Variants in ANKRD13A observed in about 807,000 individuals in gnomAD.
ANKRD13A encodes the protein ankyrin repeat domain 13A.
In ANKRD13A, 48 loss-of-function variants were observed where a neutral mutation model predicts 81.3. The observed-to-expected ratio is 0.59, with a 90% CI of 0.47 to 0.75. ANKRD13A has a LOEUF of 0.75. ANKRD13A is among the 30% of genes least tolerant of loss of function. The pLI, the probability that ANKRD13A is intolerant of heterozygous loss-of-function variation, is 0.00. For synonymous variants in ANKRD13A, 230 were observed against 270.1 expected (o/e 0.85, Z 1.45); for missense variants, 612 against 734.0 (o/e 0.83, Z 1.92).
In ANKRD13A at chr12:110,030,665, T is replaced by G; in HGVS notation, c.1255T>G (p.Leu419Val). The change falls in exon 12 of 15, where the codon TTA becomes GTA. Residue 419 changes from leucine (L) to valine (V), a missense_variant. By Grantham distance (32) the Leu-to-Val change is conservative (BLOSUM62 1). Coordinates refer to ENST00000261739, the MANE Select transcript of ANKRD13A (RefSeq NM_033121.2). ...GTTAGAAATTCCCTTGTTTCATGTC[T>G]TAAATGCACGGATTACATTTGGAAA... is the stretch of plus-strand genomic sequence containing the variant. Reference protein sequence around the residue: ...VKIEIPLFHVLNARITFGNVN... With the variant: ...VKIEIPLFHVVNARITFGNVN... The G allele has an allele frequency of 6.2e-7, 1 of 1,602,994 alleles. No individual in the cohort carries two copies. Among genetic ancestry groups the G allele is most frequent in the Non-Finnish European group, 8.5e-7 (1 of 1,175,130 alleles).
chr12:110,021,220 TGTC>T (rs1891060445), intron 6 of ANKRD13A: 9 of 446,950 alleles, frequency 2.0e-5, no homozygotes, highest in Admixed American at 7.3e-5. Flanking sequence ...AATGTGTGCT[TGTC>T]GTGCATTGAG....
intron 6 of ANKRD13A, among the ~76,000 whole-genome samples, chr12:110,020,051 T>C (rs950500198): frequency 6.6e-6 from 1 of 152,134 alleles, no homozygotes; most frequent in African/African-American, 2.4e-5. Context: ...CTGATAGTAT[T>C]TGCCTAGGAT....
chr12:110,023,879 A>C, intron 6 of ANKRD13A, 167 bp from the exon 7 acceptor site: 1 of 650,300 alleles, frequency 1.5e-6, no homozygotes, highest in Non-Finnish European at 2.7e-6. Flanking sequence ...TGGAGGGTGC[A>C]TAAGCCATCT....
In ANKRD13A at chr12:110,021,272, G is replaced by T. The variant is rs752769050; in HGVS notation, c.734+1944G>T. 2.1e-4 allele frequency: 77 copies of T among 364,728 alleles called. 2 individuals carry two copies. The highest frequency in any genetic ancestry group is 1.2e-3 in the Middle Eastern group (3 of 2,606). The allele number at this position is 364,728 out of a possible 1,614,324, so 22.6% of individuals were successfully genotyped here. A position where few individuals can be genotyped will look rare whatever the true frequency, so the allele number is the denominator to read the frequency against. ...ACTCCTTAGGATTGATACCAGCTAC[G>T]AAAAGAATATAGCTGCTCTTGAATG... On this transcript the variant is annotated intron_variant, in intron 6 of 14. Transcript: ENST00000261739.
At chr12:110,037,070 A>C (rs1892102942) in intron 14 of ANKRD13A, among the ~76,000 whole-genome samples, 1 of 152,210 alleles carries the variant, frequency 6.6e-6, no homozygotes, top group Admixed American at 6.5e-5. Flanking sequence ...ACTTATACTT[A>C]AGGTGTCTAT....
intron 11 of ANKRD13A, 62 bp from the exon 12 acceptor site, chr12:110,030,583 G>T: frequency 1.0e-6 from 1 of 989,132 alleles, no homozygotes; most frequent in Non-Finnish European, 1.5e-6. Context: ...CTTAGTAAAT[G>T]ATAACTATTA....
chr12:110,017,154 A>G (rs1890842289), intron 4 of ANKRD13A, among the ~76,000 whole-genome samples: 5 of 151,416 alleles, frequency 3.3e-5, no homozygotes, highest in Admixed American at 2.6e-4. Context: ...AGCTGATCCA[A>G]CTGCCCCAGC....
intron 9 of ANKRD13A, chr12:110,028,009 T>C (rs1170433142): frequency 2.0e-6 from 1 of 509,606 alleles, no homozygotes; most frequent in Non-Finnish European, 3.5e-6. Flanking sequence ...TTATCCATTA[T>C]AAACGAGGGG....
intron 3 of ANKRD13A, among the ~76,000 whole-genome samples, chr12:110,014,111 T>G (rs1890664328): frequency 6.6e-6 from 1 of 152,104 alleles, no homozygotes; most frequent in Non-Finnish European, 1.5e-5. Flanking sequence ...AGGAACAACT[T>G]TATTATAAAT....
chr12:110,023,845 T>G, intron 6 of ANKRD13A: 1 of 498,804 alleles, frequency 2.0e-6, no homozygotes, highest in South Asian at 3.4e-5. Context: ...TGAGGCAAAT[T>G]GATTAATAAC....
At chr12:110,011,925 A>G in intron 1 of ANKRD13A, 80 bp from the exon 2 acceptor site, 1 of 1,372,888 alleles carries the variant, frequency 7.3e-7, no homozygotes. Flanking sequence ...TATTTTTTGT[A>G]CTTGAAATAT....
At chr12:110,005,713 G>A (rs1028888737) in intron 1 of ANKRD13A, among the ~76,000 whole-genome samples, 1 of 152,088 alleles carries the variant, frequency 6.6e-6, no homozygotes, top group Non-Finnish European at 1.5e-5. Context: ...TGTTTTGTTT[G>A]TTAGACGAAA....
chr12:110,031,950 C>CT (rs1891720093), intron 12 of ANKRD13A, among the ~76,000 whole-genome samples: 1 of 151,914 alleles, frequency 6.6e-6, no homozygotes, highest in Non-Finnish European at 1.5e-5. Flanking sequence ...TTGTCTTACA[C>CT]TTTTTTGTAG....
At position 110,030,760 on chromosome 12, in the gene ANKRD13A, T is replaced by C; in HGVS notation, c.1348+2T>C. ...TGGAAGGGACCCAGGCTGATTCAGG[T>C]AAAAAAATAAATAAATACAAAGTTT... On this transcript the variant is annotated splice_donor_variant, in intron 12 of 14. Coordinates refer to ENST00000261739, the MANE Select transcript of ANKRD13A (RefSeq NM_033121.2). LOFTEE classifies it high-confidence loss of function. 1 of 1,553,932 alleles carries C rather than the reference T, an allele frequency of 6.4e-7. No individual in the cohort carries two copies. Among genetic ancestry groups the C allele is most frequent in the Non-Finnish European group, 8.7e-7 (1 of 1,145,460 alleles).
At chr12:110,032,696 A>C (rs1891764061) in intron 12 of ANKRD13A, 1 of 152,236 alleles carries the variant, frequency 6.6e-6, no homozygotes, top group Admixed American at 6.5e-5. Context: ...GAAACGACCC[A>C]AATGTCCCGA....
intron 3 of ANKRD13A, 53 bp from the exon 4 acceptor site, chr12:110,016,335 T>G: frequency 7.2e-7 from 1 of 1,382,718 alleles, no homozygotes; most frequent in Non-Finnish European, 9.8e-7. Flanking sequence ...CCTGCTTATG[T>G]TGTGTTGATA....
At chr12:110,000,554 AC>A (rs1889901560) in intron 1 of ANKRD13A, among the ~76,000 whole-genome samples, 4 of 151,222 alleles carry the variant, frequency 2.6e-5, no homozygotes, top group East Asian at 3.9e-4. Flanking sequence ...TGCACCCACG[AC>A]CCCCCGGGGA....
Position 110,025,832 on chromosome 12 carries a change from C to T in ANKRD13A, c.883+9C>T. 6 of 1,609,210 alleles carry T rather than the reference C, an allele frequency of 3.7e-6. No individual in the cohort carries two copies. The highest frequency in any genetic ancestry group is 5.1e-6 in the Non-Finnish European group (6 of 1,176,158). ...AAAAAAGAGATATAAAGGTAATCAC[C>T]ACCACCCTCCCACCTCCTGTTTTGT... On this transcript the variant is annotated intron_variant, in intron 8 of 14. Transcript: ENST00000261739.
At chr12:110,005,955 T>C (rs550779429) in intron 1 of ANKRD13A, among the ~76,000 whole-genome samples, 1 of 152,230 alleles carries the variant, frequency 6.6e-6, no homozygotes, top group Non-Finnish European at 1.5e-5. Context: ...TAGCTGGGAT[T>C]ACAGGTGTGC....
Sources: gnomAD v4.1 joint callset for allele counts (sites outside exome capture counted in the v4.1 genomes callset) on GRCh38, gnomAD v4.1.1 for gene constraint, MANE v1.5 for transcripts, NCBI Gene and HGNC (gene_info 2026-07-23, HGNC 2026-07-21) for gene names.